LRRK2: variants seen among roughly 807,000 people sequenced by gnomAD.
LRRK2 encodes the protein leucine rich repeat kinase 2.
In LRRK2, 203 loss-of-function variants were observed where a neutral mutation model predicts 302.6. The observed-to-expected ratio is 0.67, with a 90% CI of 0.60 to 0.75. The LOEUF (loss-of-function observed/expected upper bound fraction) is 0.75, where lower values mean the gene tolerates loss of function less well. LRRK2 is among the 30% of genes least tolerant of loss of function. The probability of loss-of-function intolerance (pLI) is 0.00; values close to 1 mark genes in which losing one functional copy is unlikely to be tolerated. For missense variants in LRRK2, 2,830 were observed against 2,951.0 expected, an observed-to-expected ratio of 0.96 and a Z score of 0.95; for synonymous variants, 1,066 against 1,031.9, an observed-to-expected ratio of 1.03 and a Z score of -0.63.
chr12:40,366,179 T>G (rs1477299809), intron 49 of LRRK2: 1 of 151,942 alleles, frequency 6.6e-6, no homozygotes, highest in African/African-American at 2.4e-5. Context: ...CTTGTCTAGA[T>G]GAACATCCAG....
chr12:40,227,665 G>T (rs1217889707), intron 2 of LRRK2, among the ~76,000 whole-genome samples: 2 of 152,082 alleles, frequency 1.3e-5, no homozygotes, highest in African/African-American at 4.8e-5. Context: ...ATATTCCATT[G>T]TGTATGTATA....
At chr12:40,235,798 T>TTC in intron 4 of LRRK2, 84 bp downstream of exon 4, 1 of 696,786 alleles carries the variant, frequency 1.4e-6, no homozygotes, top group East Asian at 2.8e-5. Flanking sequence ...TGTGTGTTTT[T>TTC]TTTTTTTTTT....
intron 38 of LRRK2, among the ~76,000 whole-genome samples, chr12:40,324,715 G>T (rs184990358): frequency 6.6e-6 from 1 of 152,196 alleles, no homozygotes; most frequent in African/African-American, 2.4e-5. Flanking sequence ...GCATTGATTG[G>T]GAAGTTTAGG....
chr12:40,240,574 T>C lies in LRRK2; in HGVS notation c.663T>C (p.Ile221=). The C allele has an allele frequency of 6.2e-7, 1 of 1,613,428 alleles. No individual in the cohort carries two copies. The highest frequency in any genetic ancestry group is 8.5e-7 in the Non-Finnish European group (1 of 1,179,628). ...ALTNFKDEEE[I]VLHVLHCLHS... is the part of the protein sequence containing the mutation. ...CAAATTTTAAAGATGAAGAGGAAAT[T>C]GTGCTTCATGTGCTGCATTGTTTAC... The change falls in exon 6 of 51, where the codon ATT becomes ATC. Residue 221 remains isoleucine (I), a synonymous_variant. Coordinates refer to ENST00000298910, the MANE Select transcript of LRRK2 (RefSeq NM_198578.4).
Position 40,277,970 on chromosome 12 carries a change from T to G in LRRK2, c.2024T>G (p.Ile675Arg). 6.2e-7 allele frequency: 1 copy of G among 1,613,616 alleles called. No individual in the cohort carries two copies. The highest frequency in any genetic ancestry group is 8.5e-7 in the Non-Finnish European group (1 of 1,179,936). Residue 675 changes from isoleucine (I) to arginine (R), a missense_variant, in exon 17 of 51, where the codon ATA becomes AGA. Coordinates refer to ENST00000298910, the MANE Select transcript of LRRK2 (RefSeq NM_198578.4). ...LLVHHSFDLVIFHQMSSNIME... is the reference protein window; with the variant it reads ...LLVHHSFDLVRFHQMSSNIME... ...GTGCATCATTCATTTGACTTAGTAA[T>G]ATTCCATCAAATGTCTTCCAATATC...
chr12:40,362,031 T>C (rs1428258844), intron 47 of LRRK2, among the ~76,000 whole-genome samples: 2 of 152,120 alleles, frequency 1.3e-5, no homozygotes, highest in African/African-American at 4.8e-5. Context: ...CATTTGTACA[T>C]GTTTCTTTCT....
intron 44 of LRRK2, among the ~76,000 whole-genome samples, chr12:40,352,529 T>C (rs1946386218): frequency 7.0e-6 from 1 of 143,020 alleles, no homozygotes; most frequent in Non-Finnish European, 1.5e-5. Flanking sequence ...GGCAGGGTCA[T>C]AGGACAATAA....
intron 47 of LRRK2, 50 bp from the exon 48 acceptor site, chr12:40,363,352 T>C (rs1946773714): frequency 6.3e-7 from 1 of 1,583,650 alleles, no homozygotes; most frequent in African/African-American, 1.4e-5. Flanking sequence ...ACGTAGAAAT[T>C]TTAAGAAGAA....
At chr12:40,310,375 G>A in intron 30 of LRRK2, 56 bp from the exon 31 acceptor site, 1 of 1,527,244 alleles carries the variant, frequency 6.5e-7, no homozygotes, top group Non-Finnish European at 9.1e-7. Flanking sequence ...CAACAGGAAT[G>A]TGAGCAGGCC....
At chr12:40,321,002 G>T (rs1307805264) in intron 34 of LRRK2, 32 bp from the exon 35 acceptor site, 5 of 1,611,178 alleles carry the variant, frequency 3.1e-6, no homozygotes, top group Non-Finnish European at 1.7e-6. Flanking sequence ...GTTTTGTGAG[G>T]CTGTATAACC....
At position 40,323,187 on chromosome 12, in the gene LRRK2, C is replaced by T; in HGVS notation, c.5537C>T (p.Pro1846Leu). 1 of 1,613,100 alleles carries T rather than the reference C, an allele frequency of 6.2e-7. No individual in the cohort carries two copies. The highest frequency in any genetic ancestry group is 8.5e-7 in the Non-Finnish European group (1 of 1,179,342). Residue 1846 changes from proline (P) to leucine (L), a missense_variant, in exon 38 of 51, where the codon CCA becomes CTA. Pro to Leu is a moderately conservative substitution (Grantham distance 98, BLOSUM62 -3). Transcript: ENST00000298910. ...EGDLLVNPDQ[P>L]RLTIPISQIA... Reference sequence around the variant, plus strand: ...GATCTCTTAGTAAATCCAGATCAACCAAGGCTCACCATTCCAATATCTCAG... The same window carrying T: ...GATCTCTTAGTAAATCCAGATCAACTAAGGCTCACCATTCCAATATCTCAG...
rs55916392 is a variant in LRRK2, at chr12:40,367,641, T to C, written c.7463-3T>C. ...ACATGATTTCATTTTTTTCTTTTTC[T>C]AGAGATACAATCTTGCTTGACCGTT... On this transcript the variant is annotated splice_region_variant and splice_polypyrimidine_tract_variant and intron_variant, in intron 50 of 50. Transcript: ENST00000298910. 7 of 1,599,318 alleles carry C rather than the reference T, an allele frequency of 4.4e-6. No homozygotes were observed. The East Asian group carries it at 1.6e-4, about 36-fold the overall frequency.
At chr12:40,233,711 A>G (rs1941305806) in intron 3 of LRRK2, among the ~76,000 whole-genome samples, 1 of 152,252 alleles carries the variant, frequency 6.6e-6, no homozygotes, top group Admixed American at 6.5e-5. Context: ...TCCAAAGATG[A>G]GCCAGTCTAT....
chr12:40,296,599 T>C (rs1158022462), intron 23 of LRRK2, among the ~76,000 whole-genome samples: 1 of 151,842 alleles, frequency 6.6e-6, no homozygotes, highest in Non-Finnish European at 1.5e-5. Flanking sequence ...ACCACTGTAC[T>C]CTAGCCTGGG....
Position 40,251,480 on chromosome 12 carries a change from GC to G in LRRK2, c.1118del (p.Ala373AspfsTer2). 6.2e-7 allele frequency: 1 copy of G among 1,611,778 alleles called. No individual in the cohort carries two copies. Among genetic ancestry groups the G allele is most frequent in the Non-Finnish European group, 8.5e-7 (1 of 1,178,706 alleles). On this transcript the variant is annotated frameshift_variant, in exon 10 of 51. Coordinates refer to ENST00000298910, the MANE Select transcript of LRRK2 (RefSeq NM_198578.4). LOFTEE classifies it high-confidence loss of function. ...CCTAATCCAGGAGGCCGCATGCTGG[GC>G]ACTAAATAATCTCCTTATGTACCAA... ...NKHVQEAACWALNNLLMYQNS... is the reference protein window; with the variant it reads ...NKHVQEAACWXLNNLLMYQNS...
intron 39 of LRRK2, among the ~76,000 whole-genome samples, chr12:40,329,595 A>G (rs190612289): frequency 4.6e-5 from 7 of 152,250 alleles, no homozygotes; most frequent in Admixed American, 4.6e-4. Flanking sequence ...AAGAAATGCA[A>G]CCTTCTGTCA....
chr12:40,294,196 T>C (rs1271260093), intron 21 of LRRK2, among the ~76,000 whole-genome samples: 1 of 151,724 alleles, frequency 6.6e-6, no homozygotes, highest in Admixed American at 6.6e-5. Flanking sequence ...CTATCAATCA[T>C]CTATCTATTT....
At chr12:40,301,864 T>C (rs1036964018) in intron 25 of LRRK2, among the ~76,000 whole-genome samples, 4 of 152,264 alleles carry the variant, frequency 2.6e-5, no homozygotes, top group Non-Finnish European at 2.9e-5. Context: ...AGGTACCTCA[T>C]ACTGCATTTC....
At chr12:40,328,557 C>T (rs1945620260) in intron 39 of LRRK2, 97 bp downstream of exon 39, 1 of 882,368 alleles carries the variant, frequency 1.1e-6, no homozygotes, top group South Asian at 1.6e-5. Context: ...AAATAATGAC[C>T]ACATTTCTAC....
Sources: gnomAD v4.1 joint callset for allele counts (sites outside exome capture counted in the v4.1 genomes callset) on GRCh38, gnomAD v4.1.1 for gene constraint, MANE v1.5 for transcripts, NCBI Gene and HGNC (gene_info 2026-07-23, HGNC 2026-07-21) for gene names.